Variants in TMEM178B observed in about 807,000 individuals in gnomAD.
TMEM178B encodes the protein transmembrane protein 178B.
A neutral mutation model predicts 31.0 loss-of-function variants in TMEM178B; 5 were observed. That is an observed-to-expected ratio of 0.16 (90% CI 0.08 to 0.34). The LOEUF is 0.34. Among genes scored for constraint, TMEM178B ranks in the 10% least tolerant of loss-of-function variants. TMEM178B has a pLI of 1.00. For missense variants in TMEM178B, 275 were observed against 400.3 expected (o/e 0.69, Z 2.67); for synonymous variants, 164 against 164.0 (o/e 1.00, Z 0.00).
rs528279551 is a variant in TMEM178B, at chr7:141,273,017, T to C, written c.496+60313T>C. On this transcript the variant is annotated intron_variant, in intron 2 of 3. Transcript: ENST00000565468. ...AGAAAATGTAACATATGCGCACATA[T>C]ATACACACCATGGAATATTATTTAG... is the stretch of plus-strand genomic sequence containing the variant. 5.5e-4 allele frequency among the ~76,000 whole-genome samples: 84 copies of C among 152,328 alleles called. 1 individual carries two copies. In the South Asian group the frequency reaches 0.017, roughly 31 times the overall value.
At chr7:141,125,208 A>G (rs888105681) in intron 1 of TMEM178B, among the ~76,000 whole-genome samples, 2 of 152,232 alleles carry the variant, frequency 1.3e-5, no homozygotes, top group Admixed American at 1.3e-4. Context: ...GAGTGTTAAG[A>G]CATTAACAAA....
chr7:141,441,348 G>A (rs1801653018), intron 3 of TMEM178B, among the ~76,000 whole-genome samples: 1 of 152,204 alleles, frequency 6.6e-6, no homozygotes, highest in Middle Eastern at 3.2e-3. Context: ...GCCTGTTGAA[G>A]AATTTGGAGA....
chr7:141,103,189 T>G (rs1325011271), intron 1 of TMEM178B, among the ~76,000 whole-genome samples: 1 of 152,218 alleles, frequency 6.6e-6, no homozygotes, highest in East Asian at 1.9e-4. Flanking sequence ...TGGGGTCAAC[T>G]CATCTCTTCT....
At chr7:141,127,159 C>G (rs552305456) in intron 1 of TMEM178B, among the ~76,000 whole-genome samples, 147 of 152,254 alleles carry the variant, frequency 9.7e-4, no homozygotes, top group Non-Finnish European at 1.9e-3. Context: ...GCATTTGGTT[C>G]TCTTAGCCCC....
At position 141,295,087 on chromosome 7, in the gene TMEM178B, G is replaced by T. The variant is rs180695671; in HGVS notation, c.496+82383G>T. 1.6e-3 allele frequency among the ~76,000 whole-genome samples: 239 copies of T among 152,218 alleles called. 2 individuals are homozygous for T. Among genetic ancestry groups the T allele is most frequent in the Non-Finnish European group, 1.2e-4 (8 of 68,034 alleles). ...TGAGAAGTGTTCTTCCCTTTTGTGG[G>T]GTCTCCCATGGCCAGAGCTGCCCAC... On this transcript the variant is annotated intron_variant, in intron 2 of 3. Transcript: ENST00000565468.
At chr7:141,427,700 A>T (rs1039982565) in intron 2 of TMEM178B, among the ~76,000 whole-genome samples, 2 of 152,318 alleles carry the variant, frequency 1.3e-5, no homozygotes, top group East Asian at 3.9e-4. Context: ...ACAAAAATCA[A>T]CGAATGGGAT....
intron 1 of TMEM178B, among the ~76,000 whole-genome samples, chr7:141,100,672 T>C (rs1017264248): frequency 2.6e-5 from 4 of 152,220 alleles, no homozygotes; most frequent in Non-Finnish European, 4.4e-5. Flanking sequence ...GCTCTGAGGC[T>C]TTTCTGTAGA....
At chr7:141,425,007 C>T (rs1490357666) in intron 2 of TMEM178B, among the ~76,000 whole-genome samples, 1 of 152,176 alleles carries the variant, frequency 6.6e-6, no homozygotes, top group East Asian at 1.9e-4. Flanking sequence ...GGCTGTGTGA[C>T]CTTGGCCAAC....
chr7:141,325,691 TGGAA>T (rs1799177722), intron 2 of TMEM178B, among the ~76,000 whole-genome samples: 1 of 152,150 alleles, frequency 6.6e-6, no homozygotes, highest in South Asian at 2.1e-4. Context: ...TTCTCAGACT[TGGAA>T]AAGTGACATC....
At chr7:141,301,012 C>T (rs1426942220) in intron 2 of TMEM178B, among the ~76,000 whole-genome samples, 1 of 152,174 alleles carries the variant, frequency 6.6e-6, no homozygotes, top group Admixed American at 6.5e-5. Flanking sequence ...AGTCCACTTT[C>T]CTGGGTGGTG....
chr7:141,113,558 C>T (rs1304868807), intron 1 of TMEM178B, among the ~76,000 whole-genome samples: 1 of 152,154 alleles, frequency 6.6e-6, no homozygotes, highest in Non-Finnish European at 1.5e-5. Flanking sequence ...TGACCACCCA[C>T]CTCAACACCC....
intron 2 of TMEM178B, among the ~76,000 whole-genome samples, chr7:141,323,989 G>A (rs1256653719): frequency 6.6e-6 from 1 of 152,094 alleles, no homozygotes; most frequent in African/African-American, 2.4e-5. Context: ...TGCAGGCAAA[G>A]AACCAGCAAG....
intron 1 of TMEM178B, among the ~76,000 whole-genome samples, chr7:141,113,223 C>G (rs1795262584): frequency 6.6e-6 from 1 of 152,158 alleles, no homozygotes; most frequent in African/African-American, 2.4e-5. Context: ...TTTTGGGTTT[C>G]AGATGCTTGT....
At chr7:141,100,027 G>T (rs999519351) in intron 1 of TMEM178B, among the ~76,000 whole-genome samples, 41 of 152,010 alleles carry the variant, frequency 2.7e-4, no homozygotes, top group African/African-American at 9.7e-4. Context: ...CACCATGTTA[G>T]CCAGGATGGT....
intron 2 of TMEM178B, among the ~76,000 whole-genome samples, chr7:141,306,426 C>G: frequency 6.6e-6 from 1 of 152,142 alleles, no homozygotes; most frequent in Non-Finnish European, 1.5e-5. Flanking sequence ...TGCCATGAGT[C>G]ACAGGAAGGA....
intron 2 of TMEM178B, among the ~76,000 whole-genome samples, chr7:141,345,875 A>G (rs1184495388): frequency 6.6e-6 from 1 of 152,212 alleles, no homozygotes; most frequent in African/African-American, 2.4e-5. Context: ...TGCCGTCACC[A>G]GTTCTTATCT....
intron 1 of TMEM178B, among the ~76,000 whole-genome samples, chr7:141,181,706 G>A (rs529440345): frequency 1.3e-5 from 2 of 152,332 alleles, no homozygotes; most frequent in East Asian, 1.9e-4. Context: ...GACCAGGAGA[G>A]CCACAGCCAC....
At chr7:141,182,202 G>T (rs572227227) in intron 1 of TMEM178B, among the ~76,000 whole-genome samples, 1 of 152,282 alleles carries the variant, frequency 6.6e-6, no homozygotes, top group African/African-American at 2.4e-5. Context: ...GGGAACTCAT[G>T]CATGCTCGCC....
intron 2 of TMEM178B, among the ~76,000 whole-genome samples, chr7:141,410,804 T>C (rs140106894): frequency 6.6e-6 from 1 of 152,276 alleles, no homozygotes; most frequent in East Asian, 1.9e-4. Context: ...ATGACGATCG[T>C]ATTAAAAGTG....
Sources: allele counts gnomAD v4.1 joint callset (sites outside exome capture counted in the v4.1 genomes callset), GRCh38; gene constraint gnomAD v4.1.1; transcripts MANE v1.5; gene names NCBI Gene and HGNC (gene_info 2026-07-23, HGNC 2026-07-21).